Variants in STX10 observed in about 807,000 individuals in gnomAD.
STX10 encodes syntaxin 10.
In STX10, 35 loss-of-function variants were observed where a neutral mutation model predicts 34.1. The ratio of observed to expected loss-of-function variants is 1.03; its 90% CI spans 0.78 to 1.36. STX10 has a LOEUF of 1.36. Ranked by LOEUF, STX10 falls within the 40% of genes most tolerant of loss-of-function variation. The probability of loss-of-function intolerance (pLI) is 0.00; values close to 1 mark genes in which losing one functional copy is unlikely to be tolerated. For synonymous variants in STX10, 155 were observed against 132.9 expected, an observed-to-expected ratio of 1.17 and a Z score of -1.15; for missense variants, 361 against 335.5, an observed-to-expected ratio of 1.08 and a Z score of -0.59.
At chr19:13,145,898 C>T (rs1014695114) in intron 4 of STX10, among the ~76,000 whole-genome samples, 2 of 151,852 alleles carry the variant, frequency 1.3e-5, no homozygotes, top group Non-Finnish European at 2.9e-5. Context: ...GTGGCGGGTG[C>T]CTGTAATCCC....
Position 13,144,385 on chromosome 19 carries a change from A to G in STX10, c.*25T>C. 6.3e-7 allele frequency: 1 copy of G among 1,597,628 alleles called. No individual in the cohort carries two copies. Among genetic ancestry groups the G allele is most frequent in the Non-Finnish European group, 8.5e-7 (1 of 1,173,674 alleles). On this transcript the variant is annotated 3_prime_UTR_variant, in exon 8 of 8. Coordinates refer to ENST00000587230, the MANE Select transcript of STX10 (RefSeq NM_003765.3). ...CTTGGTGGCTCCCCAGGCTTAAGGG[A>G]CCAGCCTGCCAGGGAGGGCTGGGGT...
Position 13,150,044 on chromosome 19 carries a change from T to G in STX10, c.35+95A>C. ...CCTCCCACTCTGCACCCCGACGGCC[T>G]TGCCCAGCCCGCCGGGCACGCTGGG... On this transcript the variant is annotated intron_variant, in intron 1 of 7. Coordinates refer to ENST00000587230, the MANE Select transcript of STX10 (RefSeq NM_003765.3). The surrounding 1 kb of genome is among the most constrained non-coding windows in gnomAD (Gnocchi z 4.0). 2 of 1,277,634 alleles carry G rather than the reference T, an allele frequency of 1.6e-6. No individual in the cohort carries two copies. Among genetic ancestry groups the G allele is most frequent in the Non-Finnish European group, 2.2e-6 (2 of 898,054 alleles). The allele number at this position is 1,277,634 out of a possible 1,614,324, so 79.1% of individuals were successfully genotyped here.
rs1196220547 is a variant in STX10, at chr19:13,144,295, C to A, written c.*115G>T. ...ATGGGGACAGCTCCCCAGGCGGGAC[C>A]CTCTACTCTCCAGCTACCCAGGAGG... On this transcript the variant is annotated 3_prime_UTR_variant, in exon 8 of 8. Coordinates refer to ENST00000587230, the MANE Select transcript of STX10 (RefSeq NM_003765.3). 18 of 1,428,384 alleles carry A rather than the reference C, an allele frequency of 1.3e-5. No homozygotes were observed. The South Asian group carries it at 2.3e-4, about 18-fold the overall frequency. 88.5% of individuals were successfully genotyped at this position (1,428,384 alleles called of 1,614,324 possible).
chr19:13,148,133 G>T (rs1034317100), intron 4 of STX10, among the ~76,000 whole-genome samples: 1 of 151,868 alleles, frequency 6.6e-6, no homozygotes, highest in Non-Finnish European at 1.5e-5. Flanking sequence ...CAGCACTTTG[G>T]AAGGCTGAGG....
In STX10 at chr19:13,149,493, C is replaced by T; in HGVS notation, c.300+6G>A. On this transcript the variant is annotated splice_donor_region_variant and intron_variant, in intron 3 of 7. Transcript: ENST00000587230. The stretch of plus-strand genomic sequence containing the variant: ...CCCACTCCCCGCCTGCAGGACCTTT[C>T]CTGACCTGGACTGCCTCTCGCATCC... 2 of 1,613,390 alleles carry T rather than the reference C, an allele frequency of 1.2e-6. No homozygotes were observed. Among genetic ancestry groups the T allele is most frequent in the Non-Finnish European group, 1.7e-6 (2 of 1,179,672 alleles).
chr19:13,149,394 A>T (rs1325286720), intron 3 of STX10, 105 bp downstream of exon 3: 2 of 971,142 alleles, frequency 2.1e-6, no homozygotes, highest in Non-Finnish European at 3.0e-6. Flanking sequence ...CCTGGGCGAC[A>T]GAGCGAGGCT....
At chr19:13,147,980 G>A (rs936590322) in intron 4 of STX10, among the ~76,000 whole-genome samples, 6 of 133,344 alleles carry the variant, frequency 4.5e-5, no homozygotes, top group Middle Eastern at 5.2e-3. Flanking sequence ...CTGGAGAATC[G>A]TTGAGCCCAG....
Position 13,150,263 on chromosome 19 carries a change from C to G in STX10, c.-90G>C, listed in dbSNP as rs1319070221. 3 of 665,198 alleles carry G rather than the reference C, an allele frequency of 4.5e-6. No homozygotes were observed. Among genetic ancestry groups the G allele is most frequent in the African/African-American group, 3.7e-5 (2 of 53,848 alleles). 41.2% of individuals were successfully genotyped at this position (665,198 alleles called of 1,614,324 possible). On this transcript the variant is annotated 5_prime_UTR_variant, in exon 1 of 8. Coordinates refer to ENST00000587230, the MANE Select transcript of STX10 (RefSeq NM_003765.3). The surrounding 1 kb of genome is among the most constrained non-coding windows in gnomAD (Gnocchi z 4.0). ...CAACCGAGGAGAACGCGCCGCCACC[C>G]CCGCCCCCGTCACGCCACCATCGAG...
Position 13,150,190 on chromosome 19 carries a change from C to T in STX10, c.-17G>A. The T allele has an allele frequency of 1.0e-6, 1 of 985,018 alleles. No homozygotes were observed. The highest frequency in any genetic ancestry group is 2.1e-4 in the Middle Eastern group (1 of 4,862). 61.0% of individuals were successfully genotyped at this position (985,018 alleles called of 1,614,324 possible). ...GAGAGACATGTCAGTCCCTTCCCCC[C>T]CAGGCCGAACCCCCCTCCCGGCCTG... is the stretch of plus-strand genomic sequence containing the variant. On this transcript the variant is annotated 5_prime_UTR_variant, in exon 1 of 8. Coordinates refer to ENST00000587230, the MANE Select transcript of STX10 (RefSeq NM_003765.3). The surrounding 1 kb of genome is among the most constrained non-coding windows in gnomAD (Gnocchi z 4.0).
At chr19:13,148,670 ACT>A (rs965259054) in intron 4 of STX10, among the ~76,000 whole-genome samples, 12 of 151,486 alleles carry the variant, frequency 7.9e-5, no homozygotes, top group Admixed American at 5.3e-4. Flanking sequence ...ACAGAACAAG[ACT>A]CTGTCTCAAA....
intron 4 of STX10, among the ~76,000 whole-genome samples, chr19:13,145,618 G>A (rs901849397): frequency 1.3e-5 from 2 of 152,114 alleles, no homozygotes; most frequent in South Asian, 2.1e-4. Flanking sequence ...GATGGGGCAT[G>A]GTAGCTCATG....
Position 13,150,096 on chromosome 19 carries a change from G to T in STX10, c.35+43C>A. The T allele has an allele frequency of 1.8e-6, 2 of 1,124,160 alleles. No homozygotes were observed. Among genetic ancestry groups the T allele is most frequent in the South Asian group, 1.3e-5 (1 of 76,418 alleles). The allele number at this position is 1,124,160 out of a possible 1,614,324, so 69.6% of individuals were successfully genotyped here. Reference sequence around the variant, plus strand: ...CCGGCACCCGGGCACTGGCTGGCTTGGGTACAGAGCACCCTCCGCCCTCCC... The same window carrying T: ...CCGGCACCCGGGCACTGGCTGGCTTTGGTACAGAGCACCCTCCGCCCTCCC... On this transcript the variant is annotated intron_variant, in intron 1 of 7. Transcript: ENST00000587230. The surrounding 1 kb of genome is among the most constrained non-coding windows in gnomAD (Gnocchi z 4.0).
chr19:13,144,513 G>A (rs376959166), intron 7 of STX10, 27 bp from the exon 8 acceptor site: 159 of 1,613,600 alleles, frequency 9.9e-5, no homozygotes, highest in Non-Finnish European at 1.3e-4. Context: ...CAGGGGTCAC[G>A]GGGAGAGGGT....
intron 4 of STX10, 84 bp from the exon 5 acceptor site, chr19:13,145,479 AG>A: frequency 2.6e-6 from 3 of 1,150,980 alleles, no homozygotes; most frequent in Non-Finnish European, 3.8e-6. Context: ...GTGGTAAGTC[AG>A]GGGGGCAGAC....
Position 13,147,621 on chromosome 19 carries a change from G to A in STX10, c.363+1408C>T, listed in dbSNP as rs1042336394. On this transcript the variant is annotated intron_variant, in intron 4 of 7. Coordinates refer to ENST00000587230, the MANE Select transcript of STX10 (RefSeq NM_003765.3). ...TCTACTAAAAATACAAAAATTGGCC[G>A]GGCGTGGTGGCTCACACCTGTAATC... Among the ~76,000 whole-genome samples the A allele has an allele frequency of 5.3e-5, 8 of 151,844 alleles. No homozygotes were observed. In the South Asian group the frequency reaches 8.3e-4, roughly 16 times the overall value.
chr19:13,149,978 G>A, intron 1 of STX10, 81 bp from the exon 2 acceptor site: 2 of 1,498,700 alleles, frequency 1.3e-6, no homozygotes, highest in Admixed American at 2.2e-5. Context: ...AAACCCAAAC[G>A]CATGGGGGAC....
At chr19:13,148,522 A>AT (rs2019962322) in intron 4 of STX10, among the ~76,000 whole-genome samples, 1 of 146,054 alleles carries the variant, frequency 6.8e-6, no homozygotes, top group Non-Finnish European at 1.5e-5. Context: ...AAAAAAAAAA[A>AT]TACAGAAGTT....
intron 4 of STX10, among the ~76,000 whole-genome samples, 169 bp downstream of exon 4, chr19:13,148,860 A>G (rs1316319176): frequency 6.6e-6 from 1 of 151,726 alleles, no homozygotes; most frequent in East Asian, 1.9e-4. Flanking sequence ...ACACATAGAG[A>G]GGTTCAGGTG....
chr19:13,150,338 A>G lies in STX10; in HGVS notation c.-165T>C. ...GAAGCCTCGGAGGCCCGACGTGCGG[A>G]CACTTCCGCCCTCTCCTCAGCCATC... On this transcript the variant is annotated 5_prime_UTR_variant, in exon 1 of 8. Transcript: ENST00000587230. The surrounding 1 kb of genome is among the most constrained non-coding windows in gnomAD (Gnocchi z 4.0). 1.7e-6 allele frequency: 1 copy of G among 599,790 alleles called. No individual in the cohort carries two copies. The highest frequency in any genetic ancestry group is 3.0e-6 in the Non-Finnish European group (1 of 334,026). 37.2% of individuals were successfully genotyped at this position (599,790 alleles called of 1,614,324 possible). A position where few individuals can be genotyped will look rare whatever the true frequency, so the allele number is the denominator to read the frequency against.
Sources: gnomAD v4.1 joint callset for allele counts (sites outside exome capture counted in the v4.1 genomes callset) on GRCh38, gnomAD v4.1.1 for gene constraint, Gnocchi (gnomAD v3.1) non-coding constraint, MANE v1.5 for transcripts, NCBI Gene and HGNC (gene_info 2026-07-23, HGNC 2026-07-21) for gene names.